The following PSMA6 variants were observed in gnomAD, a reference collection of about 807,000 sequenced individuals.
PSMA6 encodes proteasome 20S subunit alpha 6.
For synonymous variants in PSMA6, 88 were observed against 97.7 expected, an observed-to-expected ratio of 0.90 and a Z score of 0.59; for missense variants, 170 against 294.8, an observed-to-expected ratio of 0.58 and a Z score of 3.10.
rs751228559 is a variant in PSMA6 at position 35,304,400 on chromosome 14, C to T, written c.77-3594C>T. 5.3e-4 allele frequency among the ~76,000 whole-genome samples: 81 copies of T among 152,142 alleles called. 1 individual carries two copies. Among genetic ancestry groups the T allele is most frequent in the South Asian group, 4.1e-4 (2 of 4,832 alleles). On this transcript the variant is annotated intron_variant, in intron 1 of 6. Coordinates refer to ENST00000261479, the MANE Select transcript of PSMA6 (RefSeq NM_002791.3). ...CCATGGGAGGTCCTAGAACCAATCC[C>T]CACAAATAGCGAGGCACCAGCTACA...
intron 1 of PSMA6, among the ~76,000 whole-genome samples, chr14:35,279,200 A>G (rs2051339069): frequency 6.6e-6 from 1 of 152,128 alleles, no homozygotes. Context: ...GGCATGTGCC[A>G]CTATGCCCGG....
rs1021966451 is a variant in PSMA6 at position 35,278,706 on chromosome 14, G to A, written c.7G>A (p.Gly3Ser). 9.8e-6 allele frequency: 15 copies of A among 1,534,570 alleles called. No individual in the cohort carries two copies. In the Admixed American group the frequency reaches 2.4e-4, roughly 24 times the overall value. The stretch of plus-strand genomic sequence containing the variant: ...GCTTCCTTTGGAGGTGGCTATGGCA[G>A]GTCTTCGGAGAGGTAAGTCCCTCAC... Residue 3 changes from glycine to serine, a missense_variant, in exon 1 of 7, where the codon GGT becomes AGT. Gly to Ser is a moderately conservative substitution (Grantham distance 56, BLOSUM62 0). Transcript: ENST00000540871.
chr14:35,279,997 T>C (rs1202365780), intron 1 of PSMA6, among the ~76,000 whole-genome samples: 3 of 151,448 alleles, frequency 2.0e-5, no homozygotes, highest in African/African-American at 7.3e-5. Flanking sequence ...TGGTGGCAGG[T>C]GCCTGTAATC....
chr14:35,310,289 T>C, intron 3 of PSMA6: 1 of 419,034 alleles, frequency 2.4e-6, no homozygotes, highest in South Asian at 1.7e-5. Flanking sequence ...CCCAGGTAGC[T>C]GGGACTACAG....
intron 1 of PSMA6, among the ~76,000 whole-genome samples, chr14:35,284,583 G>A (rs915924275): frequency 1.3e-5 from 2 of 152,150 alleles, no homozygotes; most frequent in Non-Finnish European, 2.9e-5. Context: ...CAAAGAGGGA[G>A]CTCAGTAAAT....
At chr14:35,290,993 C>CA (rs1478074435), upstream of PSMA6, among the ~76,000 whole-genome samples, 3 of 102,578 alleles carry the variant, frequency 2.9e-5, no homozygotes, top group Admixed American at 3.0e-4. Flanking sequence ...CTCAGTTCCA[C>CA]ATTTTTTTTT....
intron 1 of PSMA6, among the ~76,000 whole-genome samples, chr14:35,298,731 A>G (rs560017577): frequency 6.6e-6 from 1 of 151,254 alleles, no homozygotes; most frequent in Non-Finnish European, 1.5e-5. Context: ...TTATTTCTTT[A>G]TTATTATTAT....
At chr14:35,312,506 C>CAAAAAAA (rs200184285) in intron 4 of PSMA6, among the ~76,000 whole-genome samples, 3 of 100,222 alleles carry the variant, frequency 3.0e-5, no homozygotes, top group Admixed American at 9.5e-5. Flanking sequence ...GAGTCTGTCT[C>CAAAAAAA]AAAAAAAAAA....
At chr14:35,282,041 T>A (rs1005805971) in intron 1 of PSMA6, among the ~76,000 whole-genome samples, 3 of 152,176 alleles carry the variant, frequency 2.0e-5, no homozygotes, top group African/African-American at 7.2e-5. Context: ...CAGGGATAGT[T>A]TCATAGCAAC....
intron 1 of PSMA6, among the ~76,000 whole-genome samples, chr14:35,298,756 C>T (rs917799215): frequency 1.3e-5 from 2 of 151,624 alleles, no homozygotes; most frequent in South Asian, 4.2e-4. Flanking sequence ...ATTTTGGAGA[C>T]AGAGTTTCAC....
chr14:35,309,157 A>AGTATT (rs1269873019), intron 3 of PSMA6, among the ~76,000 whole-genome samples, 162 bp downstream of exon 3: 1 of 152,202 alleles, frequency 6.6e-6, no homozygotes, highest in Non-Finnish European at 1.5e-5. Flanking sequence ...ATATTTTAAG[A>AGTATT]GTATTGTGAG....
intron 1 of PSMA6, among the ~76,000 whole-genome samples, chr14:35,302,526 G>T (rs2051734971): frequency 6.6e-6 from 1 of 151,934 alleles, no homozygotes; most frequent in African/African-American, 2.4e-5. Context: ...TTTTCATTTT[G>T]CTTGGAGTTT....
intron 1 of PSMA6, among the ~76,000 whole-genome samples, chr14:35,280,294 C>T (rs1594370931): frequency 6.6e-6 from 1 of 151,908 alleles, no homozygotes; most frequent in South Asian, 2.1e-4. Context: ...ACAACAACAA[C>T]AAAAATGTAT....
chr14:35,297,584 A>G (rs1312742584), intron 1 of PSMA6, among the ~76,000 whole-genome samples: 2 of 152,138 alleles, frequency 1.3e-5, no homozygotes. Context: ...TTTATATGGG[A>G]GAAAATCATA....
chr14:35,311,279 G>A (rs1253060033), intron 4 of PSMA6, among the ~76,000 whole-genome samples: 1 of 152,168 alleles, frequency 6.6e-6, no homozygotes, highest in Non-Finnish European at 1.5e-5. Flanking sequence ...AAGAATTAGG[G>A]TCACACACAG....
intron 4 of PSMA6, among the ~76,000 whole-genome samples, chr14:35,312,326 C>T (rs1328286872): frequency 2.0e-5 from 3 of 151,504 alleles, no homozygotes; most frequent in Non-Finnish European, 2.9e-5. Context: ...GCTAACACGG[C>T]GAAACCCGGT....
At chr14:35,297,119 GTTT>G (rs924383407) in intron 1 of PSMA6, among the ~76,000 whole-genome samples, 7 of 62,658 alleles carry the variant, frequency 1.1e-4, no homozygotes, top group South Asian at 7.1e-4. Context: ...TCTTAACAAA[GTTT>G]TTTTTTTTTT....
chr14:35,308,269 A>G, intron 2 of PSMA6, 181 bp downstream of exon 2: 1 of 658,394 alleles, frequency 1.5e-6, no homozygotes, highest in Non-Finnish European at 2.3e-6. Context: ...TAAAAATACA[A>G]AATTAGTCAG....
intron 1 of PSMA6, among the ~76,000 whole-genome samples, chr14:35,280,130 CAA>C (rs1258960847): frequency 1.1e-4 from 12 of 112,206 alleles, no homozygotes; most frequent in Admixed American, 2.0e-4. Flanking sequence ...GACTCCGTCT[CAA>C]AAAAAAAAAA....
Sources: gnomAD v4.1 joint callset for allele counts (sites outside exome capture counted in the v4.1 genomes callset) on GRCh38, gnomAD v4.1.1 for gene constraint, MANE v1.5 for transcripts, NCBI Gene and HGNC (gene_info 2026-07-23, HGNC 2026-07-21) for gene names.